Variants in ZNF235 observed in about 807,000 individuals in gnomAD.
The protein encoded by ZNF235 is zfp-93.
In ZNF235, 25 loss-of-function variants were observed where a neutral mutation model predicts 29.4. That is an observed-to-expected ratio of 0.85 (90% CI 0.62 to 1.19). The LOEUF (loss-of-function observed/expected upper bound fraction) is 1.19, where lower values mean the gene tolerates loss of function less well. ZNF235 is among the 50% of genes most tolerant of loss of function. The pLI, the probability that ZNF235 is intolerant of heterozygous loss-of-function variation, is 0.00. For missense variants in ZNF235, 788 were observed against 885.0 expected (o/e 0.89, Z 1.39); for synonymous variants, 300 against 295.3 (o/e 1.02, Z -0.16).
At position 44,287,293 on chromosome 19, in the gene ZNF235, A is replaced by G. The variant is rs1290911490; in HGVS notation, c.2142T>C (p.Asp714=). 6.2e-7 allele frequency: 1 copy of G among 1,612,226 alleles called. No homozygotes were observed. Among genetic ancestry groups the G allele is most frequent in the Non-Finnish European group, 8.5e-7 (1 of 1,179,202 alleles). The change falls in exon 5 of 5, where the codon GAT becomes GAC. Residue 714 remains aspartate (D), a synonymous_variant. Coordinates refer to ENST00000291182, the MANE Select transcript of ZNF235 (RefSeq NM_004234.4). ...TCTGACTGAAGCCCTTACAACAGAC[A>G]TCACATATGTAAGGCCTCTCTCCAG... ...VHTGERPYIC[D]VCCKGFSQRS... is the part of the protein sequence containing the mutation.
At chr19:44,292,787 T>C (rs927535735) in intron 4 of ZNF235, among the ~76,000 whole-genome samples, 1 of 151,956 alleles carries the variant, frequency 6.6e-6, no homozygotes, top group African/African-American at 2.4e-5. Flanking sequence ...CACCACAGCA[T>C]ACAGTCATCA....
At position 44,289,204 on chromosome 19, in the gene ZNF235, G is replaced by A. The variant is rs1458314596; in HGVS notation, c.239-8C>T. On this transcript the variant is annotated splice_polypyrimidine_tract_variant and splice_region_variant and intron_variant, in intron 4 of 4. Transcript: ENST00000291182. ...CATTTTGATTCCTGTCTCCTGAAAG[G>A]ATAGAGAGAATAAGGAATAAAGGAC... is the stretch of plus-strand genomic sequence containing the variant. 1.2e-6 allele frequency: 2 copies of A among 1,603,832 alleles called. No individual in the cohort carries two copies. Among genetic ancestry groups the A allele is most frequent in the East Asian group, 2.2e-5 (1 of 44,742 alleles).
intron 2 of ZNF235, among the ~76,000 whole-genome samples, chr19:44,302,986 A>ACG (rs1975768959): frequency 7.6e-6 from 1 of 131,308 alleles, no homozygotes; most frequent in African/African-American, 3.1e-5. Flanking sequence ...ATATATTTAT[A>ACG]TATAAATATA....
rs1599892278 is a variant in ZNF235, at chr19:44,299,586, C to G, written c.142+20G>C. The G allele has an allele frequency of 6.2e-7, 1 of 1,612,406 alleles. No homozygotes were observed. The highest frequency in any genetic ancestry group is 8.5e-7 in the Non-Finnish European group (1 of 1,179,244). On this transcript the variant is annotated intron_variant, in intron 3 of 4. Transcript: ENST00000291182. ...GAGGTTGAGAAACCCTGCTGAATTA[C>G]AGAGGGTGCCTGTCCTTACCCACTG...
At chr19:44,303,073 GTA>G (rs1975775808) in intron 2 of ZNF235, among the ~76,000 whole-genome samples, 1 of 126,396 alleles carries the variant, frequency 7.9e-6, no homozygotes, top group Admixed American at 9.3e-5. Flanking sequence ...GTATATATTT[GTA>G]TATATAATAC....
intron 4 of ZNF235, among the ~76,000 whole-genome samples, chr19:44,298,449 T>A (rs1270216561): frequency 6.6e-6 from 1 of 151,882 alleles, no homozygotes; most frequent in Non-Finnish European, 1.5e-5. Context: ...CAGGTTGCAA[T>A]GCAGTAGCAG....
intron 2 of ZNF235, among the ~76,000 whole-genome samples, chr19:44,300,947 C>T (rs1273410083): frequency 1.3e-5 from 2 of 151,104 alleles, no homozygotes; most frequent in Non-Finnish European, 2.9e-5. Context: ...TCAATTAACT[C>T]TTCCCGTAAG....
intron 4 of ZNF235, among the ~76,000 whole-genome samples, chr19:44,298,037 T>C (rs562681440): frequency 5.8e-4 from 89 of 152,140 alleles, no homozygotes; most frequent in Middle Eastern, 3.4e-3. Flanking sequence ...GAGGATTGCT[T>C]GAGCACAGGA....
At chr19:44,303,293 T>C (rs923235082) in intron 2 of ZNF235, 97 bp downstream of exon 2, 14 of 1,312,988 alleles carry the variant, frequency 1.1e-5, no homozygotes, top group Non-Finnish European at 1.5e-5. Context: ...TCCAAGTGCC[T>C]TTCGTTCCCT....
chr19:44,287,262 G>A lies in ZNF235; in HGVS notation c.2173C>T (p.His725Tyr). The change falls in exon 5 of 5, where the codon CAT (histidine) becomes TAT (tyrosine). Residue 725 changes from histidine to tyrosine, a missense_variant. Physicochemically the swap from His to Tyr is moderately conservative, Grantham distance 83 (BLOSUM62 2). Transcript: ENST00000291182. ...VCCKGFSQRS[H>Y]LIYHQRVHTG... ...TGGACTCTCTGATGGTAGATGAGAT[G>A]TGACCTCTGACTGAAGCCCTTACAA... is the stretch of plus-strand genomic sequence containing the variant. 1.2e-6 allele frequency: 2 copies of A among 1,610,862 alleles called. No homozygotes were observed. Among genetic ancestry groups the A allele is most frequent in the Non-Finnish European group, 1.7e-6 (2 of 1,178,234 alleles).
intron 1 of ZNF235, among the ~76,000 whole-genome samples, chr19:44,303,687 C>T (rs1411871538): frequency 6.6e-6 from 1 of 152,188 alleles, no homozygotes; most frequent in Non-Finnish European, 1.5e-5. Context: ...TCTCTGTGTA[C>T]TCCTTCTGAA....
chr19:44,298,987 C>A, intron 3 of ZNF235, 84 bp from the exon 4 acceptor site: 1 of 893,154 alleles, frequency 1.1e-6, no homozygotes, highest in Non-Finnish European at 1.8e-6. Flanking sequence ...ATGTAAGTCT[C>A]CTCCCTGCCC....
intron 4 of ZNF235, among the ~76,000 whole-genome samples, chr19:44,298,419 CAG>C (rs1377100721): frequency 1.3e-5 from 2 of 150,318 alleles, no homozygotes. Context: ...TTTCCTGAGA[CAG>C]AGTCTCGCTC....
At chr19:44,300,702 T>A (rs1361284927) in intron 2 of ZNF235, among the ~76,000 whole-genome samples, 1 of 152,056 alleles carries the variant, frequency 6.6e-6, no homozygotes, top group Non-Finnish European at 1.5e-5. Context: ...TAGTTGGGCA[T>A]GATGGCACAC....
intron 3 of ZNF235, 93 bp downstream of exon 3, chr19:44,299,513 T>C (rs1211220190): frequency 3.0e-5 from 45 of 1,520,596 alleles, no homozygotes; most frequent in Non-Finnish European, 4.0e-5. Flanking sequence ...ATACACAGGA[T>C]AGCCTGATAC....
intron 4 of ZNF235, among the ~76,000 whole-genome samples, chr19:44,293,603 C>T (rs1366523890): frequency 6.6e-6 from 1 of 151,918 alleles, no homozygotes; most frequent in Admixed American, 6.6e-5. Context: ...ACATTCTATC[C>T]AACATCAGAA....
chr19:44,288,996 C>G lies in ZNF235; in HGVS notation c.439G>C (p.Glu147Gln), dbSNP rs1975545705. 1.2e-6 allele frequency: 2 copies of G among 1,614,096 alleles called. No individual in the cohort carries two copies. The highest frequency in any genetic ancestry group is 1.7e-6 in the Non-Finnish European group (2 of 1,179,992). The change falls in exon 5 of 5, where the codon GAA becomes CAA. Residue 147 changes from glutamate (E) to glutamine (Q), a missense_variant. Coordinates refer to ENST00000291182, the MANE Select transcript of ZNF235 (RefSeq NM_004234.4). ...HDSPCQVGAG[E>Q]SIQASVDDNC... ...TCATCCACAGAAGCTTGAATAGATT[C>G]TCCTGCTCCCACTTGACAGGGGGAA...
chr19:44,300,833 C>A (rs1975726204), intron 2 of ZNF235, among the ~76,000 whole-genome samples: 2 of 123,126 alleles, frequency 1.6e-5, no homozygotes, highest in African/African-American at 2.8e-5. Context: ...GAGCGAGACT[C>A]CGTCTCAAAA....
rs1039886784 is a variant in ZNF235 at position 44,286,441 on chromosome 19, C to A, written c.*777G>T. 1 of 152,172 alleles carries A rather than the reference C, an allele frequency of 6.6e-6. No homozygotes were observed. Among genetic ancestry groups the A allele is most frequent in the African/African-American group, 2.4e-5 (1 of 41,446 alleles). The allele number at this position is 152,172 out of a possible 1,614,324, so 9.4% of individuals were successfully genotyped here. The stretch of plus-strand genomic sequence containing the variant: ...CAGTACAGCTTAGTGTCCAAAAATT[C>A]TAATCATGTAAATTGCAGGGTCACA... On this transcript the variant is annotated 3_prime_UTR_variant, in exon 5 of 5. Coordinates refer to ENST00000291182, the MANE Select transcript of ZNF235 (RefSeq NM_004234.4).
Sources: gnomAD v4.1 joint callset for allele counts (sites outside exome capture counted in the v4.1 genomes callset) on GRCh38, gnomAD v4.1.1 for gene constraint, MANE v1.5 for transcripts, NCBI Gene and HGNC (gene_info 2026-07-23, HGNC 2026-07-21) for gene names.